Variants in ADGRA2 observed in about 807,000 individuals in gnomAD.
ADGRA2 encodes G-protein coupled receptor 124.
Under a neutral mutation model 98.7 loss-of-function variants are expected in ADGRA2, and 61 were observed. The observed-to-expected ratio is 0.62, with a 90% CI of 0.50 to 0.76. The LOEUF (loss-of-function observed/expected upper bound fraction) is 0.76, where lower values mean the gene tolerates loss of function less well. Ranked by LOEUF, ADGRA2 falls within the 30% of genes least tolerant of loss-of-function variation. The pLI is 0.00. For synonymous variants in ADGRA2, 858 were observed against 831.5 expected (o/e 1.03, Z -0.55); for missense variants, 1,712 against 1,860.0 (o/e 0.92, Z 1.46).
intron 3 of ADGRA2, 42 bp downstream of exon 3, chr8:37,829,001 G>A (rs776514668): frequency 4.2e-5 from 43 of 1,030,356 alleles, no homozygotes; most frequent in Non-Finnish European, 5.1e-5. Context: ...CTCCCCTCCC[G>A]AGGGAGAAAG....
intron 1 of ADGRA2, among the ~76,000 whole-genome samples, chr8:37,811,402 C>T (rs2129933927): frequency 6.7e-6 from 1 of 150,228 alleles, no homozygotes; most frequent in South Asian, 2.1e-4. Context: ...CAACTCCTGA[C>T]CTCAGGTGAT....
intron 1 of ADGRA2, among the ~76,000 whole-genome samples, chr8:37,800,332 A>C (rs1200941434): frequency 6.6e-6 from 1 of 152,144 alleles, no homozygotes; most frequent in Non-Finnish European, 1.5e-5. Flanking sequence ...CACAGAAGCA[A>C]AGGTGGTTTT....
Position 37,839,124 on chromosome 8 carries a change from T to C in ADGRA2, c.2387+41T>C, listed in dbSNP as rs142518023. ...GGAGGGAGGGCGTGGTGGGCAGGCA[T>C]GGAAGGGGCCCCTACCCTGTCCACT... On this transcript the variant is annotated intron_variant, in intron 15 of 18. Transcript: ENST00000412232. 116 of 1,608,502 alleles carry C rather than the reference T, an allele frequency of 7.2e-5. 1 individual carries two copies. Among genetic ancestry groups the C allele is most frequent in the South Asian group, 2.1e-4 (19 of 90,436 alleles).
intron 1 of ADGRA2, among the ~76,000 whole-genome samples, chr8:37,811,168 G>GTGTT (rs1554523205): frequency 2.3e-4 from 23 of 101,752 alleles, no homozygotes; most frequent in Non-Finnish European, 3.7e-4. Context: ...GTGTGTGTGT[G>GTGTT]TTTTTTTTTT....
At chr8:37,816,925 AAAACAC>A (rs1389962398) in intron 2 of ADGRA2, among the ~76,000 whole-genome samples, 31 of 91,672 alleles carry the variant, frequency 3.4e-4, no homozygotes, top group African/African-American at 1.5e-3. Flanking sequence ...AAAAGAAAGC[AAAACAC>A]ACACACACAC....
chr8:37,824,977 C>T (rs777562439), intron 2 of ADGRA2, among the ~76,000 whole-genome samples: 13 of 152,178 alleles, frequency 8.5e-5, no homozygotes, highest in African/African-American at 1.4e-4. Flanking sequence ...TTCCCAACAA[C>T]GGCATAGGGC....
chr8:37,837,647 ACTG>A (rs1805657838), intron 13 of ADGRA2, 81 bp from the exon 14 acceptor site: 1,231 of 1,129,016 alleles, frequency 1.1e-3, no homozygotes, highest in Non-Finnish European at 1.4e-3. Context: ...ACACCCTGTC[ACTG>A]CTGCTGCTGC....
At chr8:37,826,217 C>G (rs996077208) in intron 2 of ADGRA2, among the ~76,000 whole-genome samples, 2 of 152,178 alleles carry the variant, frequency 1.3e-5, no homozygotes, top group African/African-American at 2.4e-5. Context: ...TGCCCGTCCC[C>G]CACGTGGGGG....
At chr8:37,833,442 C>T (rs1046057472) in intron 9 of ADGRA2, among the ~76,000 whole-genome samples, 2 of 152,194 alleles carry the variant, frequency 1.3e-5, no homozygotes, top group East Asian at 1.9e-4. Context: ...GGCCACCTCA[C>T]GCCCCTTTAC....
chr8:37,840,096 C>T, intron 16 of ADGRA2, 25 bp from the exon 17 acceptor site: 1 of 1,552,786 alleles, frequency 6.4e-7, no homozygotes, highest in South Asian at 1.2e-5. Context: ...CCCAGGTCCC[C>T]AGCCTCCGTG....
intron 18 of ADGRA2, 95 bp from the exon 19 acceptor site, chr8:37,840,991 G>C (rs1321292627): frequency 2.3e-6 from 3 of 1,314,328 alleles, no homozygotes; most frequent in Non-Finnish European, 3.2e-6. Context: ...CCTTGTCTCC[G>C]TACTCACCAT....
intron 17 of ADGRA2, 46 bp downstream of exon 17, chr8:37,840,312 C>T (rs777035802): frequency 6.3e-6 from 10 of 1,597,852 alleles, no homozygotes; most frequent in East Asian, 2.2e-5. Flanking sequence ...GGGACTCCAA[C>T]GCAGGCGTAG....
chr8:37,827,638 G>A (rs1052880902), intron 2 of ADGRA2, among the ~76,000 whole-genome samples: 5 of 152,336 alleles, frequency 3.3e-5, no homozygotes, highest in Non-Finnish European at 7.3e-5. Context: ...CTCCTGCGGA[G>A]ACCCATGGAG....
At chr8:37,811,672 C>T (rs1014547169) in intron 1 of ADGRA2, among the ~76,000 whole-genome samples, 22 of 151,158 alleles carry the variant, frequency 1.5e-4, no homozygotes, top group Admixed American at 3.9e-4. Flanking sequence ...GACGGGGTTT[C>T]GCCATGTTTG....
chr8:37,816,307 C>T (rs1804979391), intron 2 of ADGRA2, among the ~76,000 whole-genome samples: 2 of 151,662 alleles, frequency 1.3e-5, no homozygotes, highest in Admixed American at 1.3e-4. Flanking sequence ...CACACACACA[C>T]TTAGGCCGGG....
chr8:37,811,336 A>AT (rs1165968498), intron 1 of ADGRA2, among the ~76,000 whole-genome samples: 1 of 145,142 alleles, frequency 6.9e-6, no homozygotes, highest in African/African-American at 2.6e-5. Context: ...CGCCTGGCTA[A>AT]TTTTTTTGTA....
At chr8:37,799,863 A>G (rs1382225692) in intron 1 of ADGRA2, among the ~76,000 whole-genome samples, 1 of 152,152 alleles carries the variant, frequency 6.6e-6, no homozygotes, top group Non-Finnish European at 1.5e-5. Flanking sequence ...ATCCCCAGCC[A>G]CAGACTTACT....
chr8:37,842,018 C>T lies in ADGRA2; in HGVS notation c.3680C>T (p.Thr1227Ile). The change falls in exon 19 of 19, where the codon ACC becomes ATC. Residue 1227 changes from threonine to isoleucine, a missense_variant. Transcript: ENST00000412232. ...AGCGGCAGTCTGCACAACAGCCCCA[C>T]CGACAGCTACCTGGGCAGCAGCCGC... is the stretch of plus-strand genomic sequence containing the variant. The part of the protein sequence containing the change: ...SESGSLHNSP[T>I]DSYLGSSRNS... 6.6e-7 allele frequency: 1 copy of T among 1,519,730 alleles called. No individual in the cohort carries two copies. Among genetic ancestry groups the T allele is most frequent in the Non-Finnish European group, 8.8e-7 (1 of 1,141,002 alleles). The allele number at this position is 1,519,730 out of a possible 1,614,324, so 94.1% of individuals were successfully genotyped here.
At chr8:37,805,281 G>A (rs554708987) in intron 1 of ADGRA2, among the ~76,000 whole-genome samples, 1 of 152,326 alleles carries the variant, frequency 6.6e-6, no homozygotes, top group East Asian at 1.9e-4. Context: ...CCCAGGCTCT[G>A]CCCTTCTGTC....
Sources: allele counts gnomAD v4.1 joint callset (sites outside exome capture counted in the v4.1 genomes callset), GRCh38; gene constraint gnomAD v4.1.1; transcripts MANE v1.5; gene names NCBI Gene and HGNC (gene_info 2026-07-23, HGNC 2026-07-21).